DENND5B: variants seen among roughly 807,000 people sequenced by gnomAD.
DENND5B encodes the protein DENN domain-containing protein 5B.
DENND5B carries 34 observed loss-of-function variants against 140.6 expected under a neutral mutation model. That is an observed-to-expected ratio of 0.24 (90% CI 0.18 to 0.32). The LOEUF (loss-of-function observed/expected upper bound fraction) is 0.32, where lower values mean the gene tolerates loss of function less well. DENND5B is among the 10% of genes least tolerant of loss of function. The probability of loss-of-function intolerance (pLI) is 1.00; values close to 1 mark genes in which losing one functional copy is unlikely to be tolerated. For missense variants in DENND5B, 1,142 were observed against 1,560.2 expected, an observed-to-expected ratio of 0.73 and a Z score of 4.52; for synonymous variants, 551 against 562.1, an observed-to-expected ratio of 0.98 and a Z score of 0.28.
intron 8 of DENND5B, among the ~76,000 whole-genome samples, chr12:31,427,801 C>A (rs754350643): frequency 6.6e-6 from 1 of 152,042 alleles, no homozygotes; most frequent in South Asian, 2.1e-4. Flanking sequence ...CATCCTCCCA[C>A]GGGCACATAT....
chr12:31,540,080 G>A (rs1948635136), intron 1 of DENND5B, among the ~76,000 whole-genome samples: 1 of 151,892 alleles, frequency 6.6e-6, no homozygotes, highest in Non-Finnish European at 1.5e-5. Context: ...TAGGCCAATA[G>A]CAAACAATCT....
At chr12:31,446,350 T>C (rs1593185372) in intron 6 of DENND5B, among the ~76,000 whole-genome samples, 1 of 152,102 alleles carries the variant, frequency 6.6e-6, no homozygotes, top group East Asian at 1.9e-4. Context: ...GGTTTCGCCA[T>C]GTCGGCCAGG....
intron 1 of DENND5B, among the ~76,000 whole-genome samples, chr12:31,570,987 A>G (rs1949803991): frequency 6.6e-6 from 1 of 152,144 alleles, no homozygotes; most frequent in African/African-American, 2.4e-5. Flanking sequence ...TGTCCCTGTT[A>G]TCATTCTGCT....
intron 1 of DENND5B, among the ~76,000 whole-genome samples, chr12:31,564,589 T>C: frequency 6.8e-6 from 1 of 147,786 alleles, no homozygotes; most frequent in Non-Finnish European, 1.5e-5. Context: ...TTATTATTAT[T>C]ATTATTATTA....
intron 3 of DENND5B, among the ~76,000 whole-genome samples, 157 bp downstream of exon 3, chr12:31,479,432 T>G (rs547502061): frequency 5.3e-5 from 8 of 152,338 alleles, no homozygotes; most frequent in African/African-American, 1.4e-4. Context: ...AACAGCAGTC[T>G]CATCTCAGCC....
chr12:31,458,899 T>C (rs534205657), intron 4 of DENND5B, among the ~76,000 whole-genome samples: 19 of 152,270 alleles, frequency 1.2e-4, no homozygotes, highest in Non-Finnish European at 2.6e-4. Context: ...TACATGGTAA[T>C]CCTCAGTACC....
intron 1 of DENND5B, among the ~76,000 whole-genome samples, chr12:31,547,561 C>T (rs1948904102): frequency 6.6e-6 from 1 of 151,662 alleles, no homozygotes; most frequent in Admixed American, 6.6e-5. Context: ...ACCAAGCTGG[C>T]TAATTTTTGT....
chr12:31,444,184 G>C (rs1290838351), intron 6 of DENND5B: 1 of 152,222 alleles, frequency 6.6e-6, no homozygotes, highest in Non-Finnish European at 1.5e-5. Flanking sequence ...CACACTGTGG[G>C]AGCTGCTAAT....
intron 3 of DENND5B, among the ~76,000 whole-genome samples, chr12:31,477,111 C>T (rs1450037875): frequency 2.0e-5 from 3 of 151,850 alleles, no homozygotes; most frequent in Non-Finnish European, 2.9e-5. Context: ...ACCCATAGTC[C>T]CAGCTACTCG....
chr12:31,507,951 T>C (rs1947266914), intron 1 of DENND5B, among the ~76,000 whole-genome samples: 1 of 152,200 alleles, frequency 6.6e-6, no homozygotes, highest in Non-Finnish European at 1.5e-5. Flanking sequence ...ATTTACCTTC[T>C]ATGGAAATTA....
chr12:31,548,595 CAATA>C (rs954510310), intron 1 of DENND5B, among the ~76,000 whole-genome samples: 45 of 152,122 alleles, frequency 3.0e-4, no homozygotes, highest in African/African-American at 1.0e-3. Context: ...TGTCAAACAA[CAATA>C]AATAAATAAA....
At chr12:31,540,321 C>A (rs570507941) in intron 1 of DENND5B, among the ~76,000 whole-genome samples, 1 of 152,026 alleles carries the variant, frequency 6.6e-6, no homozygotes, top group African/African-American at 2.4e-5. Flanking sequence ...TCATGCAATC[C>A]CTATAAAAAT....
At chr12:31,554,966 T>C (rs931117434) in intron 1 of DENND5B, among the ~76,000 whole-genome samples, 7 of 152,222 alleles carry the variant, frequency 4.6e-5, no homozygotes, top group Non-Finnish European at 2.9e-5. Context: ...CATCTAATTT[T>C]TTTTCAAAGC....
At chr12:31,580,774 G>T (rs1950186125) in intron 1 of DENND5B, among the ~76,000 whole-genome samples, 2 of 152,088 alleles carry the variant, frequency 1.3e-5, no homozygotes, top group South Asian at 2.1e-4. Flanking sequence ...GGATTATAGG[G>T]CTAAGCCACC....
chr12:31,570,818 T>C (rs910026866), intron 1 of DENND5B, among the ~76,000 whole-genome samples: 1 of 152,050 alleles, frequency 6.6e-6, no homozygotes, highest in African/African-American at 2.4e-5. Flanking sequence ...CTCAAGGTCT[T>C]TGGTTGGTTG....
chr12:31,487,348 A>G (rs1946347567), intron 2 of DENND5B, among the ~76,000 whole-genome samples: 1 of 152,172 alleles, frequency 6.6e-6, no homozygotes, highest in Non-Finnish European at 1.5e-5. Context: ...CTACGTTCAC[A>G]TTAAGGCTGA....
chr12:31,554,670 T>C (rs1238689620), intron 1 of DENND5B, among the ~76,000 whole-genome samples: 1 of 152,238 alleles, frequency 6.6e-6, no homozygotes, highest in Non-Finnish European at 1.5e-5. Flanking sequence ...CTTGGTTCCA[T>C]TCTCCCCGTC....
intron 1 of DENND5B, among the ~76,000 whole-genome samples, chr12:31,552,830 T>C (rs1317857782): frequency 1.3e-5 from 2 of 152,258 alleles, no homozygotes; most frequent in African/African-American, 2.4e-5. Context: ...ATCCGTTTCT[T>C]CTAGATTTTC....
chr12:31,396,383 CAG>C (rs1373401607), intron 17 of DENND5B: 2 of 149,490 alleles, frequency 1.3e-5, no homozygotes, highest in African/African-American at 4.9e-5. Flanking sequence ...TTTTTAAAGA[CAG>C]AGTCATGCTT....
Sources: allele counts gnomAD v4.1 joint callset (sites outside exome capture counted in the v4.1 genomes callset), GRCh38; gene constraint gnomAD v4.1.1; transcripts MANE v1.5; gene names NCBI Gene and HGNC (gene_info 2026-07-23, HGNC 2026-07-21).